SYTL3: variants seen among roughly 807,000 people sequenced by gnomAD.
The protein encoded by SYTL3 is synaptotagmin like 3.
A neutral mutation model predicts 82.1 loss-of-function variants in SYTL3; 88 were observed. The observed-to-expected ratio is 1.07, with a 90% CI of 0.90 to 1.28. The LOEUF is 1.28. SYTL3 is among the 50% of genes most tolerant of loss of function. The pLI is 0.00. For missense variants in SYTL3, 831 were observed against 757.6 expected (o/e 1.10, Z -1.14); for synonymous variants, 311 against 289.4 (o/e 1.07, Z -0.76).
intron 14 of SYTL3, among the ~76,000 whole-genome samples, chr6:158,759,041 C>T (rs1789544136): frequency 6.6e-6 from 1 of 152,230 alleles, no homozygotes; most frequent in African/African-American, 2.4e-5. Context: ...AGCCTGAACT[C>T]CTTCTGTCCG....
At chr6:158,763,575 G>A (rs1197928846) in intron 17 of SYTL3, 66 bp downstream of exon 17, 5 of 1,418,008 alleles carry the variant, frequency 3.5e-6, no homozygotes, top group African/African-American at 1.4e-5. Flanking sequence ...ACCGTGCAAA[G>A]AAAATGCTTC....
At chr6:158,646,272 TCTC>T (rs1252268203), upstream of SYTL3, among the ~76,000 whole-genome samples, 2 of 152,108 alleles carry the variant, frequency 1.3e-5, no homozygotes, top group Non-Finnish European at 2.9e-5. Context: ...CTCAAGGTAT[TCTC>T]CTGCCTTAGC....
chr6:158,694,161 TTAAAC>T (rs780484023), intron 6 of SYTL3, among the ~76,000 whole-genome samples: 23 of 152,326 alleles, frequency 1.5e-4, no homozygotes, highest in Non-Finnish European at 2.8e-4. Context: ...ACAGGTCCAT[TTAAAC>T]TAAGTAGAGC....
intron 1 of SYTL3, among the ~76,000 whole-genome samples, chr6:158,651,456 C>T (rs891449956): frequency 1.1e-4 from 16 of 151,964 alleles, no homozygotes; most frequent in Admixed American, 4.6e-4. Flanking sequence ...GGTGTGGTGG[C>T]GGGCGCCTGT....
chr6:158,683,124 C>T, intron 6 of SYTL3, 135 bp downstream of exon 6: 1 of 592,434 alleles, frequency 1.7e-6, no homozygotes, highest in South Asian at 1.9e-5. Flanking sequence ...ATTCCATTTG[C>T]TGATGCTCTC....
intron 11 of SYTL3, among the ~76,000 whole-genome samples, chr6:158,740,298 G>A (rs1327499494): frequency 1.3e-5 from 2 of 151,810 alleles, no homozygotes; most frequent in Non-Finnish European, 2.9e-5. Context: ...GCCCAGCCAA[G>A]GCCTTAATTT....
chr6:158,751,583 C>T (rs182968607), intron 12 of SYTL3, among the ~76,000 whole-genome samples: 9 of 152,222 alleles, frequency 5.9e-5, no homozygotes, highest in East Asian at 1.9e-4. Flanking sequence ...GACGGGAATC[C>T]GGCTCATGGC....
upstream of SYTL3, among the ~76,000 whole-genome samples, chr6:158,645,822 G>C (rs191870141): frequency 1.3e-5 from 2 of 152,214 alleles, no homozygotes; most frequent in Admixed American, 6.5e-5. Context: ...TCAGACTATA[G>C]ACTAATCTTA....
chr6:158,703,852 T>TA (rs1443591403), intron 6 of SYTL3, among the ~76,000 whole-genome samples: 1 of 149,420 alleles, frequency 6.7e-6, no homozygotes, highest in East Asian at 1.9e-4. Flanking sequence ...TTATTATTAT[T>TA]ATTTTGAGAT....
At chr6:158,712,182 A>G (rs532808687) in intron 8 of SYTL3, among the ~76,000 whole-genome samples, 1 of 152,352 alleles carries the variant, frequency 6.6e-6, no homozygotes, top group East Asian at 1.9e-4. Context: ...TGTCCAAGGC[A>G]GCAGAAGAAA....
intron 11 of SYTL3, among the ~76,000 whole-genome samples, chr6:158,730,991 A>C (rs12526563): frequency 0.26 from 38,929 of 152,164 alleles, 5,361 homozygotes; most frequent in South Asian, 0.43. Flanking sequence ...CCAGTAGTAA[A>C]AAAGATATTC....
At chr6:158,660,443 C>T (rs1057223967) in intron 2 of SYTL3, among the ~76,000 whole-genome samples, 1 of 152,234 alleles carries the variant, frequency 6.6e-6, no homozygotes, top group Non-Finnish European at 1.5e-5. Flanking sequence ...TCTTAGCCTT[C>T]GAAAGGGCGT....
In SYTL3 at chr6:158,750,080, C is replaced by T. The variant is rs749170087; in HGVS notation, c.1035-1848C>T. The stretch of plus-strand genomic sequence containing the variant: ...ATACGTAGGATTAGAGATGAATGAG[C>T]GGCAGTTACAGCAACATAGATGAAT... On this transcript the variant is annotated intron_variant, in intron 12 of 17. Coordinates refer to ENST00000611299, the MANE Select transcript of SYTL3 (RefSeq NM_001242394.2). 8.7e-4 allele frequency among the ~76,000 whole-genome samples: 132 copies of T among 152,034 alleles called. 1 individual carries two copies. The highest frequency in any genetic ancestry group is 1.5e-3 in the Non-Finnish European group (101 of 68,000).
chr6:158,666,514 G>T (rs927570635), intron 5 of SYTL3, among the ~76,000 whole-genome samples: 12 of 152,222 alleles, frequency 7.9e-5, no homozygotes, highest in African/African-American at 2.9e-4. Context: ...CACTAGAGGG[G>T]TGACTCCGTC....
chr6:158,696,420 G>A (rs181237883), intron 6 of SYTL3, among the ~76,000 whole-genome samples: 89 of 151,476 alleles, frequency 5.9e-4, no homozygotes, highest in Admixed American at 4.4e-3. Flanking sequence ...GGCCAGTATG[G>A]TCTTCATCTC....
chr6:158,702,997 A>G (rs1583295138), intron 6 of SYTL3, among the ~76,000 whole-genome samples: 2 of 151,874 alleles, frequency 1.3e-5, no homozygotes, highest in East Asian at 3.9e-4. Flanking sequence ...TACTAAAAAT[A>G]CAAAAAATTA....
At chr6:158,646,465 CG>C (rs1787468759), upstream of SYTL3, among the ~76,000 whole-genome samples, 1 of 152,178 alleles carries the variant, frequency 6.6e-6, no homozygotes, top group Non-Finnish European at 1.5e-5. Context: ...CCACCATGCC[CG>C]GCCTAAAATT....
intron 10 of SYTL3, among the ~76,000 whole-genome samples, chr6:158,723,609 ATGT>A (rs575087327): frequency 1.6e-4 from 25 of 152,288 alleles, no homozygotes; most frequent in South Asian, 6.2e-4. Flanking sequence ...AACATTGCTA[ATGT>A]TGTGCACCTG....
chr6:158,747,893 T>C (rs1438679443), intron 12 of SYTL3, among the ~76,000 whole-genome samples: 2 of 152,190 alleles, frequency 1.3e-5, no homozygotes, highest in Non-Finnish European at 1.5e-5. Context: ...ATATGTATTG[T>C]ACGTATTTTA....
Sources: gnomAD v4.1 joint callset for allele counts (sites outside exome capture counted in the v4.1 genomes callset) on GRCh38, gnomAD v4.1.1 for gene constraint, MANE v1.5 for transcripts, NCBI Gene and HGNC (gene_info 2026-07-23, HGNC 2026-07-21) for gene names.